KLF7: variants seen among roughly 807,000 people sequenced by gnomAD.
KLF7 encodes the protein KLF transcription factor 7, also known as Krueppel-like factor 7.
KLF7 carries 2 observed loss-of-function variants against 27.3 expected under a neutral mutation model. The observed-to-expected ratio is 0.07, with a 90% CI of 0.03 to 0.23. KLF7 has a LOEUF of 0.23. Among genes scored for constraint, KLF7 ranks in the 10% least tolerant of loss-of-function variants. The pLI is 1.00. For missense variants in KLF7, 221 were observed against 394.1 expected (o/e 0.56, Z 3.72); for synonymous variants, 165 against 162.4 (o/e 1.02, Z -0.12).
intron 1 of KLF7, among the ~76,000 whole-genome samples, chr2:207,128,137 A>G (rs866550815): frequency 6.6e-6 from 1 of 152,200 alleles, no homozygotes; most frequent in Non-Finnish European, 1.5e-5. Flanking sequence ...AATGAAAATA[A>G]AAGTTGAGCC....
At chr2:207,156,042 G>A (rs1390447314) in intron 1 of KLF7, among the ~76,000 whole-genome samples, 1 of 152,198 alleles carries the variant, frequency 6.6e-6, no homozygotes, top group Non-Finnish European at 1.5e-5. Context: ...ACGGCTAATT[G>A]CCGTTTTCAC....
chr2:207,167,126 G>C (rs1574614113), upstream of KLF7: 1 of 1,434,256 alleles, frequency 7.0e-7, no homozygotes, highest in Non-Finnish European at 9.1e-7. Flanking sequence ...GGGCCTTTAC[G>C]TGATGAGGCT....
chr2:207,103,715 G>A (rs923496092), intron 2 of KLF7, among the ~76,000 whole-genome samples: 1 of 152,148 alleles, frequency 6.6e-6, no homozygotes, highest in Non-Finnish European at 1.5e-5. Flanking sequence ...CCTCAGGAAA[G>A]TTACCTACTC....
At chr2:207,171,327 A>G (rs552536784), upstream of KLF7, among the ~76,000 whole-genome samples, 30 of 152,262 alleles carry the variant, frequency 2.0e-4, no homozygotes, top group South Asian at 5.8e-3. Flanking sequence ...TCTGAGATGG[A>G]ATCTACTTCT....
intron 3 of KLF7, among the ~76,000 whole-genome samples, chr2:207,082,725 G>C (rs2105850140): frequency 6.6e-6 from 1 of 152,338 alleles, no homozygotes; most frequent in East Asian, 1.9e-4. Flanking sequence ...TGAAGCCTGA[G>C]ACACCCCTAC....
chr2:207,098,685 G>T (rs1051689623), intron 2 of KLF7, among the ~76,000 whole-genome samples: 2 of 151,588 alleles, frequency 1.3e-5, no homozygotes, highest in African/African-American at 4.9e-5. Flanking sequence ...GGAGTGCAGG[G>T]GTGCAATCAC....
intron 1 of KLF7, among the ~76,000 whole-genome samples, chr2:207,138,430 G>T (rs982703645): frequency 1.3e-5 from 2 of 152,204 alleles, no homozygotes; most frequent in African/African-American, 4.8e-5. Context: ...AACTCCACCA[G>T]AGCTTGTGGG....
At chr2:207,133,922 A>T in intron 1 of KLF7, 2 of 528,530 alleles carry the variant, frequency 3.8e-6, no homozygotes, top group Non-Finnish European at 6.3e-6. Flanking sequence ...AAAATTACTG[A>T]AAAACACAGT....
intron 2 of KLF7, among the ~76,000 whole-genome samples, chr2:207,102,944 T>C (rs2076801280): frequency 2.0e-5 from 3 of 152,190 alleles, no homozygotes; most frequent in African/African-American, 7.2e-5. Context: ...TTTATTTATT[T>C]TTGAGACAGA....
At chr2:207,170,838 C>A (rs1393028262), upstream of KLF7, among the ~76,000 whole-genome samples, 2 of 151,932 alleles carry the variant, frequency 1.3e-5, no homozygotes, top group Admixed American at 6.6e-5. Flanking sequence ...TCCAAGAGTT[C>A]TAATGGAGAT....
Position 207,102,296 on chromosome 2 carries a change from C to CAT in KLF7, c.734-13716_734-13715insAT, listed in dbSNP as rs1216962306. Among the ~76,000 whole-genome samples, 4 of 152,066 alleles carry CAT rather than the reference C, an allele frequency of 2.6e-5. No individual in the cohort carries two copies. In the East Asian group the frequency reaches 7.7e-4, roughly 29 times the overall value. On this transcript the variant is annotated intron_variant, in intron 2 of 3. Coordinates refer to ENST00000309446, the MANE Select transcript of KLF7 (RefSeq NM_003709.4). ...CCTTAATTTTTGTCTGTACTGAACT[C>CAT]ACAGCTACAAAATAATTTCTCTTCA...
chr2:207,157,219 T>TGAAAAAAAAAAAAAA (rs1491268311), intron 1 of KLF7, among the ~76,000 whole-genome samples: 2 of 87,314 alleles, frequency 2.3e-5, no homozygotes, highest in Non-Finnish European at 4.5e-5. Flanking sequence ...AACAGAAAAG[T>TGAAAAAAAAAAAAAA]AAAAAAAAAA....
intron 1 of KLF7, among the ~76,000 whole-genome samples, chr2:207,162,535 C>T (rs574115493): frequency 2.6e-5 from 4 of 152,244 alleles, no homozygotes; most frequent in Non-Finnish European, 5.9e-5. Context: ...CAGAATTATA[C>T]CAGCAACGAT....
chr2:207,167,165 C>A, upstream of KLF7: 1 of 1,432,362 alleles, frequency 7.0e-7, no homozygotes, highest in Admixed American at 2.6e-5. Flanking sequence ...GAGGTGTCTG[C>A]AGAGCTTCGA....
chr2:207,166,876 C>A (rs1450922243), upstream of KLF7: 4 of 1,073,312 alleles, frequency 3.7e-6, no homozygotes, highest in African/African-American at 5.0e-5. Flanking sequence ...CAAAGGGGAG[C>A]GGAGCGAGAC....
chr2:207,084,557 T>A (rs2076344705), intron 3 of KLF7, among the ~76,000 whole-genome samples: 1 of 152,116 alleles, frequency 6.6e-6, no homozygotes. Flanking sequence ...TGTATGATGC[T>A]CAGGATTAGA....
At chr2:207,130,380 G>C (rs2077594676) in intron 1 of KLF7, among the ~76,000 whole-genome samples, 1 of 152,210 alleles carries the variant, frequency 6.6e-6, no homozygotes, top group South Asian at 2.1e-4. Context: ...ATGAATCTTA[G>C]AGTCCACAGA....
intron 1 of KLF7, among the ~76,000 whole-genome samples, chr2:207,159,933 C>T (rs144625266): frequency 6.6e-6 from 1 of 152,066 alleles, no homozygotes; most frequent in Non-Finnish European, 1.5e-5. Flanking sequence ...TGCCAATTAG[C>T]AGGAACTAAT....
At chr2:207,148,364 G>A (rs747017778) in intron 1 of KLF7, among the ~76,000 whole-genome samples, 3 of 152,170 alleles carry the variant, frequency 2.0e-5, no homozygotes, top group East Asian at 3.9e-4. Context: ...GGACCCGCTC[G>A]ACTTGACCTA....
Sources: gnomAD v4.1 joint callset for allele counts (sites outside exome capture counted in the v4.1 genomes callset) on GRCh38, gnomAD v4.1.1 for gene constraint, MANE v1.5 for transcripts, NCBI Gene and HGNC (gene_info 2026-07-23, HGNC 2026-07-21) for gene names.